The following NDUFA10 variants were observed in gnomAD, a reference collection of about 807,000 sequenced individuals.
The protein encoded by NDUFA10 is NADH:ubiquinone oxidoreductase subunit A10.
A neutral mutation model predicts 47.8 loss-of-function variants in NDUFA10; 40 were observed. The observed-to-expected ratio is 0.84, with a 90% confidence interval of 0.65 to 1.09. NDUFA10 has a LOEUF of 1.09. NDUFA10 is among the 50% of genes least tolerant of loss of function. The pLI, the probability that NDUFA10 is intolerant of heterozygous loss-of-function variation, is 0.00. For missense variants in NDUFA10, 413 were observed against 451.1 expected, an observed-to-expected ratio of 0.92 and a Z score of 0.76; for synonymous variants, 183 against 172.2, an observed-to-expected ratio of 1.06 and a Z score of -0.49.
intron 5 of NDUFA10, among the ~76,000 whole-genome samples, chr2:239,893,902 T>C (rs1440732335): frequency 1.3e-5 from 2 of 149,084 alleles, no homozygotes; most frequent in Non-Finnish European, 3.0e-5. Flanking sequence ...TCTCCCTGCC[T>C]CCCATCCTCA....
chr2:239,941,543 T>C (rs895091124), intron 4 of NDUFA10, among the ~76,000 whole-genome samples: 14 of 152,030 alleles, frequency 9.2e-5, no homozygotes, highest in African/African-American at 3.4e-4. Context: ...CTGGCCAATA[T>C]GGTAAAACTC....
intron 4 of NDUFA10, among the ~76,000 whole-genome samples, chr2:239,922,737 T>C (rs1300426878): frequency 6.6e-6 from 1 of 152,230 alleles, no homozygotes; most frequent in Non-Finnish European, 1.5e-5. Flanking sequence ...TGAGGCAGAC[T>C]GTGAGGGAGA....
chr2:239,964,997 T>A (rs533826692), intron 9 of NDUFA10, among the ~76,000 whole-genome samples: 5 of 152,274 alleles, frequency 3.3e-5, no homozygotes, highest in African/African-American at 1.2e-4. Context: ...ATTAAAGTTG[T>A]CATTTAATGT....
intron 5 of NDUFA10, among the ~76,000 whole-genome samples, chr2:239,894,741 C>T (rs3924348): frequency 0.37 from 55,744 of 151,894 alleles, 10,893 homozygotes; most frequent in East Asian, 0.55. Flanking sequence ...TTCTCCCTCA[C>T]CAACATTCTC....
At chr2:239,952,526 A>C (rs1256242320), downstream of NDUFA10, among the ~76,000 whole-genome samples, 2 of 152,298 alleles carry the variant, frequency 1.3e-5, no homozygotes, top group East Asian at 3.9e-4. Flanking sequence ...GCTTCTGAGC[A>C]CCAACAGCTT....
At chr2:239,992,832 T>C (rs966395988) in intron 8 of NDUFA10, among the ~76,000 whole-genome samples, 3 of 152,220 alleles carry the variant, frequency 2.0e-5, no homozygotes, top group Non-Finnish European at 4.4e-5. Flanking sequence ...TGGCAACACG[T>C]AACTGAGATG....
At chr2:239,895,773 T>G (rs72992002) in intron 4 of NDUFA10, among the ~76,000 whole-genome samples, 19,285 of 152,292 alleles carry the variant, frequency 0.13, 1,341 homozygotes, top group South Asian at 0.18. Context: ...ATTTTTACCT[T>G]AACAGTGGAA....
At chr2:239,961,937 A>G (rs1185347625) in intron 9 of NDUFA10, among the ~76,000 whole-genome samples, 2 of 152,202 alleles carry the variant, frequency 1.3e-5, no homozygotes, top group East Asian at 3.9e-4. Flanking sequence ...TCAGGGGCTC[A>G]GGTGGCGGTC....
chr2:239,939,134 G>A (rs771451895), intron 4 of NDUFA10, among the ~76,000 whole-genome samples: 1 of 152,198 alleles, frequency 6.6e-6, no homozygotes, highest in African/African-American at 2.4e-5. Flanking sequence ...CGGACCCGCG[G>A]ACAGTCAGGA....
chr2:239,893,219 G>A (rs1479543137), intron 5 of NDUFA10, among the ~76,000 whole-genome samples: 3 of 152,180 alleles, frequency 2.0e-5, no homozygotes, highest in Non-Finnish European at 4.4e-5. Context: ...GCAGCACAGG[G>A]TACACGGCAG....
At chr2:239,943,856 G>A (rs1259690881) in intron 4 of NDUFA10, among the ~76,000 whole-genome samples, 1 of 152,158 alleles carries the variant, frequency 6.6e-6, no homozygotes, top group South Asian at 2.1e-4. Flanking sequence ...GACTCCTTGG[G>A]GATGAGGGGT....
rs775491325 is a variant in NDUFA10 at position 239,961,193 on chromosome 2, G to A, written c.1000-7C>T. On this transcript the variant is annotated splice_polypyrimidine_tract_variant and splice_region_variant and intron_variant, in intron 9 of 9. Transcript: ENST00000252711. ...TGTACTTGCGGCCCGGCAGCTGTGGGGGAAAAAGGCATTGGTGCATTCTGT... is the reference window on the plus strand; with the variant it reads ...TGTACTTGCGGCCCGGCAGCTGTGGAGGAAAAAGGCATTGGTGCATTCTGT... 8.1e-6 allele frequency: 13 copies of A among 1,613,974 alleles called. 1 individual carries two copies. The highest frequency in any genetic ancestry group is 1.1e-5 in the Non-Finnish European group (13 of 1,179,982).
At chr2:239,936,633 C>T (rs1477361501) in intron 4 of NDUFA10, among the ~76,000 whole-genome samples, 1 of 152,196 alleles carries the variant, frequency 6.6e-6, no homozygotes, top group African/African-American at 2.4e-5. Context: ...CTCAGATTTG[C>T]TGTGAACCTA....
intron 9 of NDUFA10, among the ~76,000 whole-genome samples, chr2:239,974,062 G>C (rs1477935838): frequency 6.6e-6 from 1 of 152,136 alleles, no homozygotes; most frequent in Non-Finnish European, 1.5e-5. Context: ...GAGTAGGTGG[G>C]ATTACAGGTG....
At chr2:239,911,599 G>T (rs968400746) in intron 4 of NDUFA10, among the ~76,000 whole-genome samples, 1 of 151,840 alleles carries the variant, frequency 6.6e-6, no homozygotes, top group Non-Finnish European at 1.5e-5. Context: ...CCTTTCCAAG[G>T]TTAGACAAAG....
chr2:239,992,234 A>C (rs1297053293), intron 8 of NDUFA10, among the ~76,000 whole-genome samples: 1 of 152,238 alleles, frequency 6.6e-6, no homozygotes, highest in Non-Finnish European at 1.5e-5. Flanking sequence ...CTGATTGAGG[A>C]TAATATATCC....
At chr2:239,996,793 T>C (rs916971211) in intron 8 of NDUFA10, among the ~76,000 whole-genome samples, 35 of 151,164 alleles carry the variant, frequency 2.3e-4, no homozygotes, top group African/African-American at 6.3e-4. Context: ...TCTTAAAACA[T>C]TGTGAGTTTT....
rs1697360242 is a variant in NDUFA10 at position 240,016,654 on chromosome 2, G to C, written c.548-1794C>G. 6.6e-6 allele frequency among the ~76,000 whole-genome samples: 1 copy of C among 152,028 alleles called. No individual in the cohort carries two copies. The highest frequency in any genetic ancestry group is 1.5e-5 in the Non-Finnish European group (1 of 67,990). On this transcript the variant is annotated intron_variant, in intron 4 of 9. Transcript: ENST00000252711. This position sits in a 1 kb window ranked among gnomAD's most constrained non-coding sequence, Gnocchi z 4.4. ...CTGATCATTCAGCTTCAATCCCTCAGTGGGGGTCTCATCACCCCAGAAATG... is the reference window on the plus strand; with the variant it reads ...CTGATCATTCAGCTTCAATCCCTCACTGGGGGTCTCATCACCCCAGAAATG...
At position 239,958,061 on chromosome 2, in the gene NDUFA10, T is replaced by C. The variant is rs960660588; in HGVS notation, c.*3057A>G. 1.3e-5 allele frequency: 2 copies of C among 152,228 alleles called. No homozygotes were observed. The highest frequency in any genetic ancestry group is 1.3e-4 in the Admixed American group (2 of 15,280). The allele number at this position is 152,228 out of a possible 1,614,324, so 9.4% of individuals were successfully genotyped here. A position where few individuals can be genotyped will look rare whatever the true frequency, so the allele number is the denominator to read the frequency against. Reference sequence around the variant, plus strand: ...AAGCCTCAGGCTCCCGGCTTCTATTTATATCCACATGTAAAGCCCCAGATC... The same window carrying C: ...AAGCCTCAGGCTCCCGGCTTCTATTCATATCCACATGTAAAGCCCCAGATC... On this transcript the variant is annotated 3_prime_UTR_variant, in exon 10 of 10. Transcript: ENST00000252711.
Sources: allele counts gnomAD v4.1 joint callset (sites outside exome capture counted in the v4.1 genomes callset), GRCh38; gene constraint gnomAD v4.1.1; non-coding constraint Gnocchi (gnomAD v3.1); transcripts MANE v1.5; gene names NCBI Gene and HGNC (gene_info 2026-07-23, HGNC 2026-07-21).